Variants in NCKAP5 observed in about 807,000 individuals in gnomAD.
The protein encoded by NCKAP5 is nck-associated protein 5.
A neutral mutation model predicts 167.0 loss-of-function variants in NCKAP5; 92 were observed. The ratio of observed to expected loss-of-function variants is 0.55; its 90% CI spans 0.47 to 0.66. The LOEUF is 0.66. Among genes scored for constraint, NCKAP5 ranks in the 30% least tolerant of loss-of-function variants. NCKAP5 has a pLI of 0.00. For missense variants in NCKAP5, 2,378 were observed against 2,315.0 expected (o/e 1.03, Z -0.56); for synonymous variants, 891 against 877.4 (o/e 1.02, Z -0.27).
chr2:133,185,699 G>A (rs945718052), intron 5 of NCKAP5, among the ~76,000 whole-genome samples: 3 of 151,848 alleles, frequency 2.0e-5, no homozygotes, highest in South Asian at 2.1e-4. Flanking sequence ...TGTATTCCTC[G>A]ATACTTCATT....
chr2:132,835,096 T>C (rs764346486), intron 11 of NCKAP5, among the ~76,000 whole-genome samples: 2 of 152,228 alleles, frequency 1.3e-5, no homozygotes, highest in African/African-American at 2.4e-5. Context: ...CTTAACTCTG[T>C]GTATGTGATA....
chr2:132,793,653 C>T (rs1384649962), intron 12 of NCKAP5, among the ~76,000 whole-genome samples: 1 of 152,190 alleles, frequency 6.6e-6, no homozygotes, highest in Non-Finnish European at 1.5e-5. Context: ...TGTGGTACCT[C>T]ACTGTCTGAC....
chr2:132,818,347 A>G (rs1013659344), intron 11 of NCKAP5, among the ~76,000 whole-genome samples: 125 of 152,224 alleles, frequency 8.2e-4, no homozygotes, highest in African/African-American at 3.0e-3. Flanking sequence ...TGGATAATGC[A>G]GATTCTCAGG....
At chr2:132,897,197 T>G (rs180680899) in intron 8 of NCKAP5, among the ~76,000 whole-genome samples, 2 of 152,302 alleles carry the variant, frequency 1.3e-5, no homozygotes, top group Admixed American at 6.5e-5. Context: ...AAACCTCCAC[T>G]AAAACCCTCA....
intron 4 of NCKAP5, among the ~76,000 whole-genome samples, chr2:133,274,034 TC>T (rs2089629362): frequency 6.6e-6 from 1 of 151,754 alleles, no homozygotes; most frequent in South Asian, 2.1e-4. Context: ...AAAGAACATT[TC>T]CTTTAAATTT....
chr2:132,764,569 T>G (rs1433122364), intron 16 of NCKAP5, among the ~76,000 whole-genome samples: 2 of 152,214 alleles, frequency 1.3e-5, no homozygotes, highest in African/African-American at 2.4e-5. Flanking sequence ...CTGGCAAGTA[T>G]TACTACAGGA....
chr2:133,526,208 G>T (rs563290097), intron 2 of NCKAP5, among the ~76,000 whole-genome samples: 2 of 134,946 alleles, frequency 1.5e-5, no homozygotes, highest in Admixed American at 1.6e-4. Flanking sequence ...AGGAAGGAAG[G>T]AAGGAAGGAA....
intron 3 of NCKAP5, among the ~76,000 whole-genome samples, chr2:133,514,774 A>G (rs978260464): frequency 6.6e-6 from 1 of 152,102 alleles, no homozygotes; most frequent in Admixed American, 6.5e-5. Flanking sequence ...GATAGTATAT[A>G]ATGAAAGATA....
the NCKAP5 span, among the ~76,000 whole-genome samples, chr2:133,639,849 C>T: frequency 1.8e-4 from 27 of 152,100 alleles, no homozygotes; most frequent in African/African-American, 6.5e-4. Flanking sequence ...TGTAAACAAA[C>T]TAAATGACCA....
At chr2:132,871,525 G>A (rs780195394) in intron 9 of NCKAP5, among the ~76,000 whole-genome samples, 1 of 151,934 alleles carries the variant, frequency 6.6e-6, no homozygotes, top group African/African-American at 2.4e-5. Flanking sequence ...TTCTGGTAAC[G>A]GTGGTCACAT....
At chr2:133,119,614 A>G (rs951812964) in intron 6 of NCKAP5, among the ~76,000 whole-genome samples, 6 of 152,220 alleles carry the variant, frequency 3.9e-5, no homozygotes, top group Non-Finnish European at 7.3e-5. Flanking sequence ...TTCAAATTAT[A>G]CGAATGTATT....
chr2:133,147,144 G>A (rs1342800088), intron 5 of NCKAP5, among the ~76,000 whole-genome samples: 2 of 152,132 alleles, frequency 1.3e-5, no homozygotes, highest in Non-Finnish European at 2.9e-5. Flanking sequence ...CACTATTCTG[G>A]TTGTAGTTGT....
At chr2:133,147,527 A>G (rs1160937879) in intron 5 of NCKAP5, among the ~76,000 whole-genome samples, 1 of 152,126 alleles carries the variant, frequency 6.6e-6, no homozygotes, top group African/African-American at 2.4e-5. Context: ...AATCACTGAT[A>G]GTGTTCAAGA....
At chr2:132,880,159 G>A (rs910003857) in intron 8 of NCKAP5, among the ~76,000 whole-genome samples, 2 of 152,214 alleles carry the variant, frequency 1.3e-5, no homozygotes, top group African/African-American at 2.4e-5. Context: ...GGGTAGGTGC[G>A]AGAGGGGATG....
At chr2:132,924,576 C>G (rs1287701434) in intron 8 of NCKAP5, among the ~76,000 whole-genome samples, 4 of 152,156 alleles carry the variant, frequency 2.6e-5, no homozygotes, top group Admixed American at 6.5e-5. Context: ...CTCTTATCAA[C>G]ATAGGCCAAT....
intron 7 of NCKAP5, among the ~76,000 whole-genome samples, chr2:132,986,386 C>T (rs901480228): frequency 6.6e-6 from 1 of 152,088 alleles, no homozygotes; most frequent in Non-Finnish European, 1.5e-5. Flanking sequence ...ATCTGTCAAA[C>T]CTGGAAACAA....
chr2:132,939,396 A>G (rs796163540), intron 8 of NCKAP5, among the ~76,000 whole-genome samples: 10 of 152,272 alleles, frequency 6.6e-5, no homozygotes, highest in African/African-American at 2.4e-4. Context: ...AGGGGCTGAT[A>G]ATACGATGGG....
chr2:133,047,906 C>G (rs1313566639), intron 6 of NCKAP5, among the ~76,000 whole-genome samples: 2 of 152,142 alleles, frequency 1.3e-5, no homozygotes, highest in South Asian at 2.1e-4. Flanking sequence ...TAAAATGAAG[C>G]CCCACATTCA....
chr2:132,944,277 T>C (rs140790657), intron 8 of NCKAP5, among the ~76,000 whole-genome samples: 1 of 152,264 alleles, frequency 6.6e-6, no homozygotes, highest in Non-Finnish European at 1.5e-5. Flanking sequence ...CACTCATGGA[T>C]AGAATTAGTG....
Sources: gnomAD v4.1 joint callset for allele counts (sites outside exome capture counted in the v4.1 genomes callset) on GRCh38, gnomAD v4.1.1 for gene constraint, MANE v1.5 for transcripts, NCBI Gene and HGNC (gene_info 2026-07-23, HGNC 2026-07-21) for gene names.